RIMOC1: variants seen among roughly 807,000 people sequenced by gnomAD.
RIMOC1 encodes the protein RAB7A-interacting MON1-CCZ1 complex subunit 1.
the RIMOC1 span, chr5:41,918,937 A>C: frequency 1.1e-5 from 2 of 174,128 alleles, no homozygotes; most frequent in Non-Finnish European, 2.3e-5. Context: ...ATTTCCCCAC[A>C]AAGTGTTGTC....
the RIMOC1 span, chr5:41,912,037 C>A: frequency 5.6e-6 from 7 of 1,251,634 alleles, no homozygotes; most frequent in Non-Finnish European, 7.0e-6. Context: ...GCATATAATA[C>A]TTTCAATTCT....
chr5:41,911,457 A>T, the RIMOC1 span: 2 of 184,078 alleles, frequency 1.1e-5, no homozygotes, highest in African/African-American at 4.7e-5. Context: ...CTTTTAAAAA[A>T]TTTTTGTCCT....
chr5:41,915,896 G>C, the RIMOC1 span, among the ~76,000 whole-genome samples: 1 of 152,282 alleles, frequency 6.6e-6, no homozygotes, highest in East Asian at 1.9e-4. Flanking sequence ...AGAAATTGAG[G>C]TGAAGTGAAG....
At chr5:41,913,021 C>T in the RIMOC1 span, among the ~76,000 whole-genome samples, 2 of 152,156 alleles carry the variant, frequency 1.3e-5, no homozygotes, top group Non-Finnish European at 2.9e-5. Flanking sequence ...TTATATAGAA[C>T]ATAATATAAA....
At chr5:41,912,046 C>A in the RIMOC1 span, 36 of 1,348,768 alleles carry the variant, frequency 2.7e-5, no homozygotes, top group Non-Finnish European at 3.6e-5. Context: ...ACTTTCAATT[C>A]TTTGGCTCTG....
the RIMOC1 span, among the ~76,000 whole-genome samples, chr5:41,911,632 G>C: frequency 6.6e-6 from 1 of 151,992 alleles, no homozygotes; most frequent in Non-Finnish European, 1.5e-5. Context: ...TTCTAACTTG[G>C]GTTAAATGTA....
the RIMOC1 span, among the ~76,000 whole-genome samples, chr5:41,908,039 TTAA>T: frequency 6.6e-6 from 1 of 152,164 alleles, no homozygotes. Context: ...ATTAGATGTG[TTAA>T]TAAGAAAAGT....
chr5:41,914,235 C>T, the RIMOC1 span, among the ~76,000 whole-genome samples: 1 of 152,028 alleles, frequency 6.6e-6, no homozygotes, highest in Non-Finnish European at 1.5e-5. Context: ...GGTTCTTCAA[C>T]AAGGGAATTA....
At chr5:41,916,323 C>T in the RIMOC1 span, 1 of 765,280 alleles carries the variant, frequency 1.3e-6, no homozygotes, top group Non-Finnish European at 1.6e-6. Context: ...TGTCTTTCTG[C>T]CAAATTAATA....
At chr5:41,912,075 CTT>C in the RIMOC1 span, 8 of 1,589,160 alleles carry the variant, frequency 5.0e-6, no homozygotes, top group Non-Finnish European at 6.9e-6. Context: ...TTAGTACCTT[CTT>C]GATGGAATCA....
the RIMOC1 span, chr5:41,917,619 A>G: frequency 1.0e-6 from 1 of 995,576 alleles, no homozygotes; most frequent in African/African-American, 1.7e-5. Flanking sequence ...TTATTGTGGT[A>G]TATGTAACAC....
the RIMOC1 span, chr5:41,909,616 A>G: frequency 1.9e-6 from 1 of 527,698 alleles, no homozygotes; most frequent in Non-Finnish European, 3.1e-6. Flanking sequence ...CCTACTTCTC[A>G]AATTTACATA....
the RIMOC1 span, chr5:41,917,885 T>A: frequency 1.2e-6 from 1 of 800,544 alleles, no homozygotes; most frequent in Non-Finnish European, 1.5e-6. Flanking sequence ...AATTTCTACT[T>A]CCCTTAGGCA....
chr5:41,916,156 T>G, the RIMOC1 span: 1 of 152,572 alleles, frequency 6.6e-6, no homozygotes, highest in Non-Finnish European at 1.5e-5. Flanking sequence ...ACATTTTTAT[T>G]TCTTTTATGT....
At chr5:41,912,185 TA>T in the RIMOC1 span, 1 of 1,503,740 alleles carries the variant, frequency 6.7e-7, no homozygotes, top group Non-Finnish European at 9.2e-7. Flanking sequence ...TGAGTGCAGG[TA>T]ATGTGATCTC....
At chr5:41,909,665 G>A in the RIMOC1 span, 11 of 942,532 alleles carry the variant, frequency 1.2e-5, no homozygotes, top group African/African-American at 1.4e-4. Context: ...AAGCACCTAT[G>A]TGTGCAAGGT....
the RIMOC1 span, chr5:41,917,366 A>G: frequency 3.4e-6 from 5 of 1,489,394 alleles, no homozygotes; most frequent in Middle Eastern, 2.3e-4. Context: ...GAGAGTTCCA[A>G]AAAAGAAGAC....
the RIMOC1 span, among the ~76,000 whole-genome samples, chr5:41,911,690 A>G: frequency 1.3e-5 from 2 of 152,216 alleles, no homozygotes; most frequent in South Asian, 2.1e-4. Flanking sequence ...TTGCAGATAT[A>G]AAAGTTTGAT....
At chr5:41,915,051 T>C in the RIMOC1 span, among the ~76,000 whole-genome samples, 5 of 152,126 alleles carry the variant, frequency 3.3e-5, no homozygotes, top group Non-Finnish European at 7.4e-5. Context: ...TTTTGTTACT[T>C]TTTCTAAGGT....
Sources: gnomAD v4.1 joint callset for allele counts (sites outside exome capture counted in the v4.1 genomes callset) on GRCh38, gnomAD v4.1.1 for gene constraint, MANE v1.5 for transcripts, NCBI Gene and HGNC (gene_info 2026-07-23, HGNC 2026-07-21) for gene names.